IRF3: variants seen among roughly 807,000 people sequenced by gnomAD.
IRF3 encodes the protein interferon regulatory factor 3.
Under a neutral mutation model 43.2 loss-of-function variants are expected in IRF3, and 29 were observed. The ratio of observed to expected loss-of-function variants is 0.67; its 90% confidence interval spans 0.50 to 0.91. IRF3 has a LOEUF of 0.91. IRF3 is among the 40% of genes least tolerant of loss of function. IRF3 has a pLI of 0.00. For synonymous variants in IRF3, 228 were observed against 233.9 expected (o/e 0.97, Z 0.23); for missense variants, 505 against 559.1 (o/e 0.90, Z 0.98).
At position 49,664,691 on chromosome 19, in the gene IRF3, C is replaced by T. The variant is rs2081572211; in HGVS notation, c.148G>A (p.Asp50Asn). ...GCACGCACCTGGAAGATTCCGAAAT[C>T]CTCCTGCTGTGCATCCTGCCGTAGG... Reference protein sequence around the residue: ...HGLRQDAQQEDFGIFQAWAEA... With the variant: ...HGLRQDAQQENFGIFQAWAEA... Residue 50 changes from aspartate to asparagine, a missense_variant, in exon 2 of 8, where the codon GAT becomes AAT. Physicochemically the swap from Asp to Asn is conservative, Grantham distance 23 (BLOSUM62 1). Coordinates refer to ENST00000377139, the MANE Select transcript of IRF3 (RefSeq NM_001571.6). The T allele has an allele frequency of 1.9e-6, 3 of 1,613,768 alleles. No homozygotes were observed. The highest frequency in any genetic ancestry group is 2.5e-6 in the Non-Finnish European group (3 of 1,179,766).
intron 1 of IRF3, chr19:49,665,170 A>G (rs1271336204): frequency 3.3e-6 from 1 of 301,884 alleles, no homozygotes; most frequent in Non-Finnish European, 6.3e-6. Flanking sequence ...TCAGGGTAGC[A>G]TCCTCTTTCC....
chr19:49,660,028 C>CACACACACACACACACACACACACACGCA (rs1555753000), intron 7 of IRF3, among the ~76,000 whole-genome samples, 195 bp from the exon 8 acceptor site: 1 of 109,830 alleles, frequency 9.1e-6, no homozygotes. Flanking sequence ...CACACACACA[C>CACACACACACACACACACACACACACGCA]CCCCTGCTGT....
Position 49,663,251 on chromosome 19 carries a change from C to G in IRF3, c.345G>C (p.Gly115=), listed in dbSNP as rs745647482. The change falls in exon 4 of 8, where the codon GGG becomes GGC. Residue 115 remains glycine (G), a synonymous_variant. Transcript: ENST00000377139. The stretch of plus-strand genomic sequence containing the variant: ...GAGAGGTGTCTGGCTGGGAAAAGTC[C>G]CCAACTCCTGTTGAGAAAAGTGGTG... The part of the protein sequence containing the change: ...KIYEFVNSGV[G]DFSQPDTSPD... The G allele has an allele frequency of 8.1e-6, 13 of 1,614,086 alleles. No individual in the cohort carries two copies. Among genetic ancestry groups the G allele is most frequent in the Non-Finnish European group, 1.1e-5 (13 of 1,180,002 alleles).
intron 4 of IRF3, 109 bp downstream of exon 4, chr19:49,663,079 G>T: frequency 1.0e-6 from 1 of 985,726 alleles, no homozygotes; most frequent in Non-Finnish European, 1.6e-6. Flanking sequence ...TGGCTCAGGT[G>T]AGGGGCAGGC....
At chr19:49,663,671 C>G in intron 2 of IRF3, 157 bp from the exon 3 acceptor site, 1 of 645,990 alleles carries the variant, frequency 1.5e-6, no homozygotes, top group South Asian at 2.0e-5. Context: ...CCACCTACCT[C>G]CATCCCCCAC....
chr19:49,663,105 G>A (rs2081418268), intron 4 of IRF3, 83 bp downstream of exon 4: 1 of 1,219,202 alleles, frequency 8.2e-7, no homozygotes, highest in African/African-American at 1.5e-5. Context: ...GCAGGGGAGT[G>A]GGGGGATCGT....
At position 49,662,162 on chromosome 19, in the gene IRF3, T is replaced by C. The variant is rs751562271; in HGVS notation, c.768A>G (p.Gly256=). Residue 256 remains glycine (G), a synonymous_variant, in exon 6 of 8, where the codon GGA becomes GGG. Transcript: ENST00000377139. ...GCACATGCCTCACGTAGCTCATCACTCCCCTGTCTGTCAGGGACATGCCAG... is the reference window on the plus strand; with the variant it reads ...GCACATGCCTCACGTAGCTCATCACCCCCCTGTCTGTCAGGGACATGCCAG... ...PDPGMSLTDR[G]VMSYVRHVLS... 6.2e-7 allele frequency: 1 copy of C among 1,614,080 alleles called. No individual in the cohort carries two copies. The highest frequency in any genetic ancestry group is 1.1e-5 in the South Asian group (1 of 91,086).
At chr19:49,660,079 TACACACACACACAA>T (rs1357273711) in intron 7 of IRF3, among the ~76,000 whole-genome samples, 21 of 145,144 alleles carry the variant, frequency 1.4e-4, no homozygotes, top group African/African-American at 4.9e-4. Flanking sequence ...GTTGTAGTTT[TACACACACACACAA>T]ACACACACAC....
chr19:49,664,437 AC>A (rs1300206567), intron 2 of IRF3: 6 of 1,498,686 alleles, frequency 4.0e-6, no homozygotes, highest in Non-Finnish European at 5.3e-6. Flanking sequence ...TCCTTTGCGT[AC>A]TAACCGGCTT....
rs1421545567 is a variant in IRF3 at position 49,659,984 on chromosome 19, T to TACACACACACACATAC, written c.1099-152_1099-151insGTATGTGTGTGTGTGT. ...CTAGGGCTGCTGGGAGTTGTAGTTT[T>TACACACACACACATAC]ACACACACACACACACACACACACA... On this transcript the variant is annotated intron_variant, in intron 7 of 7. Transcript: ENST00000377139. The TACACACACACACATAC allele has an allele frequency of 9.6e-5, 31 of 324,002 alleles. 2 individuals carry two copies. In the African/African-American group the frequency reaches 1.1e-3, roughly 12 times the overall value. The allele number at this position is 324,002 out of a possible 1,614,324, so 20.1% of individuals were successfully genotyped here.
rs752845931 is a variant in IRF3 at position 49,659,600 on chromosome 19, G to C, written c.*48C>G. The C allele has an allele frequency of 6.3e-6, 10 of 1,575,118 alleles. No homozygotes were observed. Among genetic ancestry groups the C allele is most frequent in the Non-Finnish European group, 8.6e-6 (10 of 1,160,282 alleles). ...TAGCAGGAACCAGTTTATTGGTTGA[G>C]GTGGTGGGGAACAGGGGGGTTGGAG... On this transcript the variant is annotated 3_prime_UTR_variant, in exon 8 of 8. Transcript: ENST00000377139.
chr19:49,665,511 C>T (rs1599890050), intron 1 of IRF3, 120 bp downstream of exon 1: 1 of 290,220 alleles, frequency 3.4e-6, no homozygotes, highest in South Asian at 6.8e-5. Flanking sequence ...GTAGCTCCTT[C>T]CTTGCTCCAC....
Position 49,662,515 on chromosome 19 carries a change from G to A in IRF3, c.511C>T (p.Leu171=), listed in dbSNP as rs2081383512. The A allele has an allele frequency of 6.4e-7, 1 of 1,552,424 alleles. No individual in the cohort carries two copies. The highest frequency in any genetic ancestry group is 1.4e-5 in the African/African-American group (1 of 72,238). The part of the protein sequence containing the change: ...AVAPEPCPQP[L]RSPSLDNPTP... Reference sequence around the variant, plus strand: ...GGATTGTCCAAGCTGGGGCTCCGCAGGGGCTGAGGGCAGGGCTCAGGGGCT... The same window carrying A: ...GGATTGTCCAAGCTGGGGCTCCGCAAGGGCTGAGGGCAGGGCTCAGGGGCT... The change falls in exon 5 of 8, where the codon CTG becomes TTG. Residue 171 remains leucine (L), a synonymous_variant. Coordinates refer to ENST00000377139, the MANE Select transcript of IRF3 (RefSeq NM_001571.6).
chr19:49,662,376 G>A (rs1172693696), intron 5 of IRF3, 48 bp from the exon 6 acceptor site: 3 of 1,602,882 alleles, frequency 1.9e-6, no homozygotes, highest in South Asian at 2.2e-5. Context: ...TTGAGAATCA[G>A]GGGCTGCCGC....
In IRF3 at chr19:49,659,584, C is replaced by T; in HGVS notation, c.*64G>A. On this transcript the variant is annotated 3_prime_UTR_variant, in exon 8 of 8. Coordinates refer to ENST00000377139, the MANE Select transcript of IRF3 (RefSeq NM_001571.6). ...CACGCACAAGTGATCATAGCAGGAACCAGTTTATTGGTTGAGGTGGTGGGG... is the reference window on the plus strand; with the variant it reads ...CACGCACAAGTGATCATAGCAGGAATCAGTTTATTGGTTGAGGTGGTGGGG... The T allele has an allele frequency of 6.4e-7, 1 of 1,555,942 alleles. No homozygotes were observed. Among genetic ancestry groups the T allele is most frequent in the Non-Finnish European group, 8.7e-7 (1 of 1,149,700 alleles).
At chr19:49,660,025 A>ACC (rs1200056996) in intron 7 of IRF3, among the ~76,000 whole-genome samples, 192 bp from the exon 8 acceptor site, 5 of 110,190 alleles carry the variant, frequency 4.5e-5, no homozygotes, top group Non-Finnish European at 7.1e-5. Flanking sequence ...ACACACACAC[A>ACC]CACCCCCTGC....
chr19:49,660,024 C>CAT (rs2081230340), intron 7 of IRF3, among the ~76,000 whole-genome samples, 191 bp from the exon 8 acceptor site: 2 of 120,916 alleles, frequency 1.7e-5, no homozygotes, highest in Non-Finnish European at 3.3e-5. Context: ...CACACACACA[C>CAT]ACACCCCCTG....
In IRF3 at chr19:49,660,812, C is replaced by G. The variant is rs758305171; in HGVS notation, c.999G>C (p.Thr333=). ...GPFIVDLITF[T]EGSGRSPRYA... The stretch of plus-strand genomic sequence containing the variant: ...AGCGTGGTGAGCGTCCGCTTCCTTC[C>G]GTGAAGGTAATCAGATCTGGGGGCC... Residue 333 remains threonine (T), a synonymous_variant, in exon 7 of 8, where the codon ACG becomes ACC. Coordinates refer to ENST00000377139, the MANE Select transcript of IRF3 (RefSeq NM_001571.6). 4 of 1,603,066 alleles carry G rather than the reference C, an allele frequency of 2.5e-6. No individual in the cohort carries two copies. The highest frequency in any genetic ancestry group is 3.4e-6 in the Non-Finnish European group (4 of 1,175,168).
At chr19:49,664,338 C>A in intron 2 of IRF3, 2 of 826,242 alleles carry the variant, frequency 2.4e-6, no homozygotes, top group Non-Finnish European at 3.6e-6. Context: ...CCAGGCCTCA[C>A]CTCTGATGTT....
Sources: gnomAD v4.1 joint callset for allele counts (sites outside exome capture counted in the v4.1 genomes callset) on GRCh38, gnomAD v4.1.1 for gene constraint, MANE v1.5 for transcripts, NCBI Gene and HGNC (gene_info 2026-07-23, HGNC 2026-07-21) for gene names.